Variants in TK2 observed in about 807,000 individuals in gnomAD.
The protein encoded by TK2 is thymidine kinase 2, mitochondrial.
Under a neutral mutation model 41.9 loss-of-function variants are expected in TK2, and 35 were observed. That is an observed-to-expected ratio of 0.84 (90% CI 0.64 to 1.11). The LOEUF is 1.11. Ranked by LOEUF, TK2 falls within the 50% of genes least tolerant of loss-of-function variation. The probability of loss-of-function intolerance (pLI) is 0.00; values close to 1 mark genes in which losing one functional copy is unlikely to be tolerated. For missense variants in TK2, 320 were observed against 351.1 expected (o/e 0.91, Z 0.71); for synonymous variants, 128 against 129.1 (o/e 0.99, Z 0.06).
chr16:66,524,133 G>A (rs1964861077), intron 6 of TK2, among the ~76,000 whole-genome samples: 1 of 152,146 alleles, frequency 6.6e-6, no homozygotes, highest in Non-Finnish European at 1.5e-5. Flanking sequence ...CACAGGCCAG[G>A]TGCAGGAAAC....
intron 2 of TK2, among the ~76,000 whole-genome samples, chr16:66,546,183 T>G (rs755439951): frequency 2.1e-4 from 32 of 152,264 alleles, no homozygotes; most frequent in Non-Finnish European, 4.0e-4. Flanking sequence ...TAAGTTGTGA[T>G]TGTGCCACTG....
At position 66,537,000 on chromosome 16, in the gene TK2, C is replaced by A. The variant is rs977620688; in HGVS notation, c.249G>T (p.Val83=). The A allele has an allele frequency of 3.1e-6, 5 of 1,614,028 alleles. No individual in the cohort carries two copies. The highest frequency in any genetic ancestry group is 4.2e-6 in the Non-Finnish European group (5 of 1,180,030). The change falls in exon 4 of 10, where the codon GTG becomes GTT. Residue 83 remains valine (V), a synonymous_variant. Coordinates refer to ENST00000544898, the MANE Select transcript of TK2 (RefSeq NM_004614.5). ...ATDVEVLTEP[V]SKWRNVRGHN... is the part of the protein sequence containing the mutation. The stretch of plus-strand genomic sequence containing the variant: ...GGCCACGGACATTTCTCCACTTGGA[C>A]ACAGGCTCCGTTAACACCTGGAAGG...
chr16:66,517,200 T>C lies in TK2; in HGVS notation c.554A>G (p.Asn185Ser), dbSNP rs1358563873. ...TAACCTCTGGTAACAAGTCTCAGGA[T>C]TGGTCCGAAGGTAAACTGAGGTTAA... ...SVDLIVYLRT[N>S]PETCYQRLKK... The change falls in exon 8 of 10, where the codon AAT (asparagine) becomes AGT (serine). Residue 185 changes from asparagine to serine, a missense_variant. Coordinates refer to ENST00000544898, the MANE Select transcript of TK2 (RefSeq NM_004614.5). This position sits in a 1 kb window ranked among gnomAD's most constrained non-coding sequence, Gnocchi z 4.3. The C allele has an allele frequency of 3.1e-6, 5 of 1,614,054 alleles. No homozygotes were observed. Among genetic ancestry groups the C allele is most frequent in the Non-Finnish European group, 4.2e-6 (5 of 1,180,024 alleles).
chr16:66,539,687 C>T (rs557476233), intron 3 of TK2, among the ~76,000 whole-genome samples: 2 of 151,432 alleles, frequency 1.3e-5, no homozygotes, highest in South Asian at 4.2e-4. Flanking sequence ...TGGAGGAAAC[C>T]AGGCACAAGC....
chr16:66,514,625 G>A lies in TK2; in HGVS notation c.619-814C>T, dbSNP rs1309800236. ...CCCTCTGCCCGGCCGCTCAGTCTGG[G>A]AAGTGAGGAGCCCCTCTGCCCGGCC... On this transcript the variant is annotated intron_variant, in intron 8 of 9. Transcript: ENST00000544898. The surrounding 1 kb of genome is among the most constrained non-coding windows in gnomAD (Gnocchi z 4.2). 2.0e-5 allele frequency among the ~76,000 whole-genome samples: 3 copies of A among 152,146 alleles called. No individual in the cohort carries two copies. Among genetic ancestry groups the A allele is most frequent in the Non-Finnish European group, 2.9e-5 (2 of 68,016 alleles).
At chr16:66,515,592 T>C (rs1047053278) in intron 8 of TK2, among the ~76,000 whole-genome samples, 7 of 152,200 alleles carry the variant, frequency 4.6e-5, no homozygotes, top group Non-Finnish European at 1.5e-5. Flanking sequence ...TGCCCAGCTC[T>C]CCCTTGGCAA....
At position 66,517,454 on chromosome 16, in the gene TK2, C is replaced by T. The variant is rs1964649276; in HGVS notation, c.539-239G>A. 1.6e-6 allele frequency: 1 copy of T among 614,276 alleles called. No individual in the cohort carries two copies. The highest frequency in any genetic ancestry group is 1.8e-5 in the African/African-American group (1 of 54,226). 38.1% of individuals were successfully genotyped at this position (614,276 alleles called of 1,614,324 possible). On this transcript the variant is annotated intron_variant, in intron 7 of 9. Coordinates refer to ENST00000544898, the MANE Select transcript of TK2 (RefSeq NM_004614.5). This position sits in a 1 kb window ranked among gnomAD's most constrained non-coding sequence, Gnocchi z 4.3. ...GTTCATAGACAGAGCTCAAAACAGG[C>T]CTCACACCCAGCAGGTCTCAGTGAA...
intron 5 of TK2, among the ~76,000 whole-genome samples, chr16:66,530,807 T>C (rs1403215114): frequency 6.6e-6 from 1 of 151,486 alleles, no homozygotes. Flanking sequence ...AACCTCCGCC[T>C]CCTGGGTTCA....
At chr16:66,534,388 C>A (rs1469376002) in intron 4 of TK2, among the ~76,000 whole-genome samples, 3 of 152,254 alleles carry the variant, frequency 2.0e-5, no homozygotes, top group Non-Finnish European at 2.9e-5. Flanking sequence ...CTCTATCCAG[C>A]CACAAGAGTG....
chr16:66,534,875 G>A (rs1474161606), intron 4 of TK2, among the ~76,000 whole-genome samples: 1 of 152,116 alleles, frequency 6.6e-6, no homozygotes, highest in Non-Finnish European at 1.5e-5. Flanking sequence ...AGAGATGGAG[G>A]TCTCATTATG....
At chr16:66,536,820 T>G in intron 4 of TK2, 144 bp downstream of exon 4, 4 of 995,402 alleles carry the variant, frequency 4.0e-6, no homozygotes, top group Non-Finnish European at 6.3e-6. Flanking sequence ...CATGCCACCA[T>G]TTTCTGCTTG....
chr16:66,548,100 A>G, intron 2 of TK2: 1 of 493,980 alleles, frequency 2.0e-6, no homozygotes, highest in Non-Finnish European at 3.8e-6. Flanking sequence ...TACATTAATT[A>G]CCATCCAGCT....
At position 66,510,489 on chromosome 16, in the gene TK2, C is replaced by A. The variant is rs964865413; in HGVS notation, c.*1479G>T. The A allele has an allele frequency of 1.3e-5, 2 of 152,284 alleles. No homozygotes were observed. Among genetic ancestry groups the A allele is most frequent in the Admixed American group, 1.3e-4 (2 of 15,286 alleles). 9.4% of individuals were successfully genotyped at this position (152,284 alleles called of 1,614,324 possible). On this transcript the variant is annotated 3_prime_UTR_variant, in exon 10 of 10. Coordinates refer to ENST00000544898, the MANE Select transcript of TK2 (RefSeq NM_004614.5). ...TCCAAACAGGAAGAACCAGGAGTTG[C>A]AGGCCTTGACTTCCTAACTCTCTGG... is the stretch of plus-strand genomic sequence containing the variant.
At chr16:66,530,036 T>A (rs189441101) in intron 5 of TK2, among the ~76,000 whole-genome samples, 2 of 152,316 alleles carry the variant, frequency 1.3e-5, no homozygotes, top group African/African-American at 2.4e-5. Flanking sequence ...AGGTTTGCAA[T>A]TGAGTGCCTG....
In TK2 at chr16:66,517,052, T is replaced by C. The variant is rs1964636103; in HGVS notation, c.618+84A>G. The C allele has an allele frequency of 8.7e-7, 1 of 1,147,790 alleles. No individual in the cohort carries two copies. The highest frequency in any genetic ancestry group is 2.4e-5 in the East Asian group (1 of 42,502). 71.1% of individuals were successfully genotyped at this position (1,147,790 alleles called of 1,614,324 possible). The stretch of plus-strand genomic sequence containing the variant: ...TGCAAACAAGGGCACAATGATCTCA[T>C]GGGGGTGGGGCCGGGAGAGGAAGCC... On this transcript the variant is annotated intron_variant, in intron 8 of 9. Coordinates refer to ENST00000544898, the MANE Select transcript of TK2 (RefSeq NM_004614.5). This position sits in a 1 kb window ranked among gnomAD's most constrained non-coding sequence, Gnocchi z 4.3.
At chr16:66,513,449 G>A (rs1313026152) in intron 9 of TK2, among the ~76,000 whole-genome samples, 4 of 152,206 alleles carry the variant, frequency 2.6e-5, no homozygotes, top group East Asian at 3.9e-4. Context: ...TGAAAACTGA[G>A]ACCCGGGTCT....
rs1964533305 is a variant in TK2 at position 66,514,100 on chromosome 16, G to A, written c.619-289C>T. 6.6e-6 allele frequency among the ~76,000 whole-genome samples: 1 copy of A among 152,102 alleles called. No homozygotes were observed. The highest frequency in any genetic ancestry group is 2.1e-4 in the South Asian group (1 of 4,828). On this transcript the variant is annotated intron_variant, in intron 8 of 9. Transcript: ENST00000544898. This position sits in a 1 kb window ranked among gnomAD's most constrained non-coding sequence, Gnocchi z 4.2. ...CCCCTGGCGCCTGAATCAAAGCCAA[G>A]GCAAAAGGCAGGACCCCCTCCCCCT...
At chr16:66,539,472 G>A (rs1200497789) in intron 3 of TK2, among the ~76,000 whole-genome samples, 1 of 151,834 alleles carries the variant, frequency 6.6e-6, no homozygotes, top group Non-Finnish European at 1.5e-5. Context: ...ATGGTGGTGG[G>A]TGCTTGTAAT....
intron 1 of TK2, chr16:66,549,668 G>C (rs1018591287): frequency 4.1e-6 from 5 of 1,220,034 alleles, no homozygotes; most frequent in Non-Finnish European, 5.1e-6. Context: ...TCGGGGGACC[G>C]AGTTTGGGCC....
Sources: allele counts gnomAD v4.1 joint callset (sites outside exome capture counted in the v4.1 genomes callset), GRCh38; gene constraint gnomAD v4.1.1; non-coding constraint Gnocchi (gnomAD v3.1); transcripts MANE v1.5; gene names NCBI Gene and HGNC (gene_info 2026-07-23, HGNC 2026-07-21).